CMYA5: variants seen among roughly 807,000 people sequenced by gnomAD.
The protein encoded by CMYA5 is cardiomyopathy-associated protein 5.
In CMYA5, 246 loss-of-function variants were observed where a neutral mutation model predicts 318.9. The ratio of observed to expected loss-of-function variants is 0.77; its 90% CI spans 0.70 to 0.86. The LOEUF (loss-of-function observed/expected upper bound fraction) is 0.86. Ranked by LOEUF, CMYA5 falls within the 40% of genes least tolerant of loss-of-function variation. The pLI is 0.00. For missense variants in CMYA5, 4,589 were observed against 4,678.2 expected (o/e 0.98, Z 0.56); for synonymous variants, 1,641 against 1,729.5 (o/e 0.95, Z 1.27).
Position 79,737,445 on chromosome 5 carries a change from C to T in CMYA5, c.8680C>T (p.Gln2894Ter). 3.1e-6 allele frequency: 5 copies of T among 1,613,804 alleles called. No individual in the cohort carries two copies. Among genetic ancestry groups the T allele is most frequent in the Non-Finnish European group, 4.2e-6 (5 of 1,179,812 alleles). The part of the protein sequence containing the change: ...PLSSAKSNYA[Q>*]FISNTSASNA... ...GTCTTCAGCAAAAAGCAACTATGCTCAATTTATATCTAATACATCAGCAAG... is the reference window on the plus strand; with the variant it reads ...GTCTTCAGCAAAAAGCAACTATGCTTAATTTATATCTAATACATCAGCAAG... The change falls in exon 2 of 13, where the codon CAA becomes TAA. Residue 2894 changes from glutamine (Q) to a stop codon, truncating the protein, a stop_gained. Transcript: ENST00000446378. LOFTEE classifies it high-confidence loss of function.
At chr5:79,785,694 A>G (rs1285083693) in intron 9 of CMYA5, among the ~76,000 whole-genome samples, 1 of 152,116 alleles carries the variant, frequency 6.6e-6, no homozygotes, top group East Asian at 1.9e-4. Flanking sequence ...CTCTAGATAA[A>G]TGGTCCCATC....
intron 1 of CMYA5, among the ~76,000 whole-genome samples, chr5:79,714,402 G>A (rs1827472132): frequency 6.9e-6 from 1 of 145,042 alleles, no homozygotes; most frequent in Non-Finnish European, 1.5e-5. Flanking sequence ...GTCTTTCTCT[G>A]TACCACATCT....
Position 79,733,781 on chromosome 5 carries a change from C to T in CMYA5, c.5016C>T (p.Gly1672=), listed in dbSNP as rs1827979756. The T allele has an allele frequency of 6.2e-7, 1 of 1,613,464 alleles. No homozygotes were observed. The highest frequency in any genetic ancestry group is 8.5e-7 in the Non-Finnish European group (1 of 1,179,732). Residue 1672 remains glycine (G), a synonymous_variant, in exon 2 of 13, where the codon GGC becomes GGT. Transcript: ENST00000446378. ...TETEDSVLEK[G]PAELRSREGK... is the part of the protein sequence containing the mutation. ...CAGAGGATTCTGTTTTAGAAAAAGG[C>T]CCAGCTGAGCTTAGGAGCAGAGAAG...
intron 9 of CMYA5, among the ~76,000 whole-genome samples, chr5:79,770,886 C>A (rs1252985291): frequency 6.6e-6 from 1 of 151,912 alleles, no homozygotes; most frequent in Non-Finnish European, 1.5e-5. Context: ...AAATAATGAT[C>A]AAAGGATGAA....
chr5:79,738,110 T>C lies in CMYA5; in HGVS notation c.9345T>C (p.Phe3115=). ...ACTTGGTGAAATTAGATGAAAGTTT[T>C]TATGGACCAGAAAAGGGCCACAACA... ...EYDLVKLDES[F]YGPEKGHNIL... The change falls in exon 2 of 13, where the codon TTT becomes TTC. Residue 3115 remains phenylalanine, a synonymous_variant. Coordinates refer to ENST00000446378, the MANE Select transcript of CMYA5 (RefSeq NM_153610.5). 1.2e-6 allele frequency: 2 copies of C among 1,613,588 alleles called. No homozygotes were observed. Among genetic ancestry groups the C allele is most frequent in the Non-Finnish European group, 1.7e-6 (2 of 1,179,774 alleles).
chr5:79,770,264 T>C (rs564513127), intron 9 of CMYA5, among the ~76,000 whole-genome samples: 1 of 152,320 alleles, frequency 6.6e-6, no homozygotes, highest in East Asian at 1.9e-4. Flanking sequence ...TCCACTGAGC[T>C]AGACCACTTG....
At position 79,730,637 on chromosome 5, in the gene CMYA5, A is replaced by G; in HGVS notation, c.1872A>G (p.Ile624Met). ...TTCCCCCATCCAATGTAGAAGCTAT[A>G]GCTGAACATGCAGTTTTGTCAGAAG... ...EPVPPSNVEA[I>M]AEHAVLSEEE... is the part of the protein sequence containing the mutation. The change falls in exon 2 of 13, where the codon ATA becomes ATG. Residue 624 changes from isoleucine to methionine, a missense_variant. This residue lies in a region of CMYA5 where 2,132 missense variants were observed against 2,131.3 expected (regional missense o/e 1.00). Transcript: ENST00000446378. 1 of 1,614,060 alleles carries G rather than the reference A, an allele frequency of 6.2e-7. No homozygotes were observed. The highest frequency in any genetic ancestry group is 8.5e-7 in the Non-Finnish European group (1 of 1,179,900).
intron 6 of CMYA5, among the ~76,000 whole-genome samples, chr5:79,753,460 A>T (rs1171142758): frequency 6.6e-6 from 1 of 152,128 alleles, no homozygotes; most frequent in Admixed American, 6.6e-5. Context: ...GTCCTCCTTA[A>T]AAGATGCTGT....
chr5:79,778,780 G>A (rs1191692005), intron 9 of CMYA5, among the ~76,000 whole-genome samples: 1 of 120,094 alleles, frequency 8.3e-6, no homozygotes, highest in African/African-American at 3.8e-5. Context: ...ATTTTAAAAT[G>A]CCCCCATGCC....
chr5:79,719,470 A>AT, intron 1 of CMYA5, among the ~76,000 whole-genome samples: 1 of 152,278 alleles, frequency 6.6e-6, no homozygotes, highest in East Asian at 1.9e-4. Context: ...CAGATGTTAT[A>AT]TTTTTTAGCA....
intron 6 of CMYA5, among the ~76,000 whole-genome samples, chr5:79,754,391 A>G (rs1267756103): frequency 6.6e-6 from 1 of 152,214 alleles, no homozygotes; most frequent in Admixed American, 6.5e-5. Context: ...AGCATATCAA[A>G]TCATCTAATC....
Position 79,732,815 on chromosome 5 carries a change from T to TCCC in CMYA5, c.4050_4051insCCC (p.Ser1350_Ser1351insPro). The TCCC allele has an allele frequency of 9.9e-6, 16 of 1,613,684 alleles. No individual in the cohort carries two copies. Among genetic ancestry groups the TCCC allele is most frequent in the Non-Finnish European group, 1.4e-5 (16 of 1,179,818 alleles). ...AAATTAAAAAAGAAATTGAACCCAGTTCCTCAACAACTACAGCATCTGTAA... is the reference window on the plus strand; with the variant it reads ...AAATTAAAAAAGAAATTGAACCCAGTCCCTCCTCAACAACTACAGCATCTGTAA... On this transcript the variant is annotated inframe_insertion, in exon 2 of 13. Transcript: ENST00000446378.
Position 79,756,296 on chromosome 5 carries a change from G to A in CMYA5, c.11111-2457G>A, listed in dbSNP as rs565222241. On this transcript the variant is annotated intron_variant, in intron 6 of 12. Transcript: ENST00000446378. ...AGTTCGCTCCTCAGGTCTTACCTCT[G>A]TGGCCTCTGTGGCTTTCCAGATGAT... 3.4e-4 allele frequency among the ~76,000 whole-genome samples: 52 copies of A among 152,274 alleles called. 1 individual carries two copies. In the South Asian group the frequency reaches 0.011, roughly 32 times the overall value.
chr5:79,762,229 A>G lies in CMYA5; in HGVS notation c.11407+272A>G, dbSNP rs1194091423. 1.9e-5 allele frequency: 6 copies of G among 309,804 alleles called. No homozygotes were observed. The Admixed American group carries it at 2.4e-4, about 12-fold the overall frequency. The allele number at this position is 309,804 out of a possible 1,614,324, so 19.2% of individuals were successfully genotyped here. ...TATTATGAGAACACTCCAGAGGGGC[A>G]CCCAAGTTGGCCTGGGGCAGGGGCA... On this transcript the variant is annotated intron_variant, in intron 8 of 12. Coordinates refer to ENST00000446378, the MANE Select transcript of CMYA5 (RefSeq NM_153610.5).
intron 1 of CMYA5, among the ~76,000 whole-genome samples, chr5:79,720,380 A>G (rs1423967891): frequency 1.3e-5 from 2 of 152,042 alleles, no homozygotes; most frequent in African/African-American, 4.8e-5. Flanking sequence ...ACAGAAGACA[A>G]TGGAATGATA....
chr5:79,778,889 T>C (rs1407083984), intron 9 of CMYA5, among the ~76,000 whole-genome samples: 1 of 128,166 alleles, frequency 7.8e-6, no homozygotes, highest in East Asian at 3.5e-4. Flanking sequence ...ATTTCATTTT[T>C]ATTTATTTTT....
chr5:79,732,875 A>G lies in CMYA5; in HGVS notation c.4110A>G (p.Lys1370=), dbSNP rs1827950511. The change falls in exon 2 of 13, where the codon AAA becomes AAG. Residue 1370 remains lysine, a synonymous_variant. Coordinates refer to ENST00000446378, the MANE Select transcript of CMYA5 (RefSeq NM_153610.5). ...ATTCAAACTTAACCAGAGCAGTAAA[A>G]GAAGAAATCCCAACAGATTCATCTC... ...KLDSNLTRAV[K]EEIPTDSSLI... The G allele has an allele frequency of 6.2e-7, 1 of 1,613,690 alleles. No individual in the cohort carries two copies. Among genetic ancestry groups the G allele is most frequent in the Non-Finnish European group, 8.5e-7 (1 of 1,179,826 alleles).
chr5:79,761,518 C>T (rs927634482), intron 7 of CMYA5, among the ~76,000 whole-genome samples: 10 of 152,134 alleles, frequency 6.6e-5, no homozygotes, highest in Middle Eastern at 3.2e-3. Flanking sequence ...TTTTAATATT[C>T]GCTACTGAAA....
chr5:79,793,138 G>T (rs942082384), intron 11 of CMYA5, among the ~76,000 whole-genome samples: 1 of 152,126 alleles, frequency 6.6e-6, no homozygotes, highest in Non-Finnish European at 1.5e-5. Context: ...ATTTCTTTTT[G>T]TCCTACCATT....
Sources: allele counts gnomAD v4.1 joint callset (sites outside exome capture counted in the v4.1 genomes callset), GRCh38; gene constraint gnomAD v4.1.1; regional missense constraint gnomAD v4.1.1; transcripts MANE v1.5; gene names NCBI Gene and HGNC (gene_info 2026-07-23, HGNC 2026-07-21).